Variants in THADA observed in about 807,000 individuals in gnomAD.
THADA encodes the protein THADA armadillo repeat containing.
In THADA, 213 loss-of-function variants were observed where a neutral mutation model predicts 219.8. The ratio of observed to expected loss-of-function variants is 0.97; its 90% CI spans 0.87 to 1.09. The LOEUF (loss-of-function observed/expected upper bound fraction) is 1.09, where lower values mean the gene tolerates loss of function less well. Ranked by LOEUF, THADA falls within the 50% of genes least tolerant of loss-of-function variation. The probability of loss-of-function intolerance (pLI) is 0.00; values close to 1 mark genes in which losing one functional copy is unlikely to be tolerated. For synonymous variants in THADA, 1,018 were observed against 828.9 expected, an observed-to-expected ratio of 1.23 and a Z score of -3.92; for missense variants, 2,956 against 2,311.3, an observed-to-expected ratio of 1.28 and a Z score of -5.72.
At chr2:43,246,368 G>A (rs1208727337) in intron 36 of THADA, among the ~76,000 whole-genome samples, 2 of 152,152 alleles carry the variant, frequency 1.3e-5, no homozygotes, top group South Asian at 2.1e-4. Flanking sequence ...GGTGGTGGGC[G>A]CCTGTAGTCC....
At chr2:43,255,867 CTGAT>C (rs1670254498) in intron 36 of THADA, among the ~76,000 whole-genome samples, 1 of 152,188 alleles carries the variant, frequency 6.6e-6, no homozygotes. Context: ...GGTGAGAGAT[CTGAT>C]CCAAAATTCT....
rs759624406 is a variant in THADA at position 43,505,655 on chromosome 2, C to A, written c.3588G>T (p.Gly1196=). Residue 1196 remains glycine, a synonymous_variant, in exon 24 of 38, where the codon GGG becomes GGT. Coordinates refer to ENST00000405975, the MANE Select transcript of THADA (RefSeq NM_022065.5). ...CTGTACTCTGTATGTCATCTGTAGGCCCAGCCAAAGAGATTAACTCTTTCA... is the reference window on the plus strand; with the variant it reads ...CTGTACTCTGTATGTCATCTGTAGGACCAGCCAAAGAGATTAACTCTTTCA... The part of the protein sequence containing the change: ...ITMKELISLA[G]PTDDIQSTVP... The A allele has an allele frequency of 5.0e-6, 8 of 1,596,552 alleles. No homozygotes were observed. In the South Asian group the frequency reaches 9.1e-5, roughly 18 times the overall value.
chr2:43,491,452 A>G (rs1687626309), intron 25 of THADA, among the ~76,000 whole-genome samples: 1 of 152,192 alleles, frequency 6.6e-6, no homozygotes, highest in Admixed American at 6.5e-5. Flanking sequence ...GAGAAATGAT[A>G]ATAGCTGTAA....
At chr2:43,437,737 G>C in intron 26 of THADA, among the ~76,000 whole-genome samples, 1 of 152,090 alleles carries the variant, frequency 6.6e-6, no homozygotes, top group Non-Finnish European at 1.5e-5. Context: ...TCTATTCAAG[G>C]ATGTTTATAT....
intron 36 of THADA, among the ~76,000 whole-genome samples, chr2:43,271,344 G>C (rs892885722): frequency 6.6e-6 from 1 of 152,168 alleles, no homozygotes; most frequent in African/African-American, 2.4e-5. Context: ...AAGAAGTCAG[G>C]ACTAAGGCAG....
intron 27 of THADA, among the ~76,000 whole-genome samples, chr2:43,429,871 T>A (rs1558747197): frequency 6.6e-6 from 1 of 151,076 alleles, no homozygotes; most frequent in Non-Finnish European, 1.5e-5. Context: ...GCCAATTTTA[T>A]GCAAGGAAGC....
At chr2:43,386,097 C>T (rs536365609) in intron 29 of THADA, among the ~76,000 whole-genome samples, 36 of 152,004 alleles carry the variant, frequency 2.4e-4, no homozygotes, top group Non-Finnish European at 4.1e-4. Flanking sequence ...TCAACAACTG[C>T]TTCAGAGTGG....
chr2:43,377,309 CACA>C (rs1300158715), intron 29 of THADA, among the ~76,000 whole-genome samples: 2 of 152,062 alleles, frequency 1.3e-5, no homozygotes, highest in South Asian at 2.1e-4. Context: ...ATAACTAATT[CACA>C]ACAAGGGATT....
chr2:43,576,985 G>A (rs1194076131), intron 10 of THADA, 37 bp downstream of exon 10: 3 of 1,566,370 alleles, frequency 1.9e-6, no homozygotes, highest in Non-Finnish European at 2.6e-6. Context: ...TGTCTTACAA[G>A]TGAAACAAAA....
intron 24 of THADA, among the ~76,000 whole-genome samples, chr2:43,499,410 CTT>C (rs1688647062): frequency 6.6e-6 from 1 of 152,098 alleles, no homozygotes; most frequent in Non-Finnish European, 1.5e-5. Context: ...GAGTTTCACT[CTT>C]GTCGCCCAGG....
chr2:43,442,434 G>A (rs972715150), intron 26 of THADA, among the ~76,000 whole-genome samples: 1 of 152,134 alleles, frequency 6.6e-6, no homozygotes, highest in East Asian at 1.9e-4. Flanking sequence ...AGGGAGACTC[G>A]GAGTTGCAAA....
At chr2:43,455,514 TCTCTCA>T (rs1339071628) in intron 26 of THADA, among the ~76,000 whole-genome samples, 2 of 113,214 alleles carry the variant, frequency 1.8e-5, no homozygotes, top group African/African-American at 7.8e-5. Flanking sequence ...GCTCTCTCTC[TCTCTCA>T]CACACACACA....
chr2:43,319,990 G>T (rs1422022986), intron 31 of THADA, among the ~76,000 whole-genome samples: 1 of 152,182 alleles, frequency 6.6e-6, no homozygotes, highest in African/African-American at 2.4e-5. Context: ...GAAACATGTG[G>T]AAAGTCAGAG....
intron 35 of THADA, among the ~76,000 whole-genome samples, chr2:43,286,662 T>G (rs1047993115): frequency 6.6e-6 from 1 of 151,430 alleles, no homozygotes; most frequent in Admixed American, 6.6e-5. Flanking sequence ...GAGGTGGAGG[T>G]TGCACTAAGC....
intron 30 of THADA, among the ~76,000 whole-genome samples, chr2:43,320,807 T>C (rs1678617995): frequency 6.6e-6 from 1 of 152,004 alleles, no homozygotes. Context: ...TAAAATAAAA[T>C]GAAAACAAAC....
intron 28 of THADA, among the ~76,000 whole-genome samples, chr2:43,423,753 G>C (rs72881007): frequency 0.045 from 6,825 of 152,140 alleles, 555 homozygotes; most frequent in African/African-American, 0.15. Flanking sequence ...CTAGGTTTGA[G>C]GCATATGTGG....
Position 43,292,821 on chromosome 2 carries a change from T to C in THADA, c.4818+13A>G, listed in dbSNP as rs371217709. Reference sequence around the variant, plus strand: ...GGAGTGTAAAGGGCCAGTCAGTACGTTGGAGACTTTACCTTGCAGAAGCAT... The same window carrying C: ...GGAGTGTAAAGGGCCAGTCAGTACGCTGGAGACTTTACCTTGCAGAAGCAT... On this transcript the variant is annotated intron_variant, in intron 32 of 37. Coordinates refer to ENST00000405975, the MANE Select transcript of THADA (RefSeq NM_022065.5). 9 of 1,607,868 alleles carry C rather than the reference T, an allele frequency of 5.6e-6. No individual in the cohort carries two copies. Among genetic ancestry groups the C allele is most frequent in the East Asian group, 2.2e-5 (1 of 44,878 alleles).
chr2:43,291,972 C>T (rs1674781783), intron 33 of THADA, 132 bp downstream of exon 33: 1 of 768,348 alleles, frequency 1.3e-6, no homozygotes, highest in Admixed American at 3.1e-5. Context: ...GAGTTTAGAA[C>T]TCTTAGGCTG....
chr2:43,508,157 G>A (rs569854360), intron 23 of THADA, among the ~76,000 whole-genome samples: 1 of 151,962 alleles, frequency 6.6e-6, no homozygotes, highest in South Asian at 2.1e-4. Context: ...GAGTTAATGA[G>A]GTGAAATAAC....
Sources: gnomAD v4.1 joint callset for allele counts (sites outside exome capture counted in the v4.1 genomes callset) on GRCh38, gnomAD v4.1.1 for gene constraint, MANE v1.5 for transcripts, NCBI Gene and HGNC (gene_info 2026-07-23, HGNC 2026-07-21) for gene names.